Variants in AGR3 observed in about 807,000 individuals in gnomAD.
The protein encoded by AGR3 is anterior gradient 3, protein disulphide isomerase family member.
Under a neutral mutation model 24.5 loss-of-function variants are expected in AGR3, and 37 were observed. The observed-to-expected ratio is 1.51, with a 90% CI of 1.16 to 1.99. AGR3 has a LOEUF of 1.99. AGR3 is among the 30% of genes most tolerant of loss of function. The pLI is 0.00. For synonymous variants in AGR3, 75 were observed against 61.6 expected (o/e 1.22, Z -1.02); for missense variants, 228 against 191.1 (o/e 1.19, Z -1.14).
intron 3 of AGR3, chr7:16,865,488 T>C (rs369644180): frequency 3.8e-5 from 28 of 730,720 alleles, no homozygotes; most frequent in African/African-American, 1.8e-4. Context: ...CCGAATTTCT[T>C]TGGGGAACAA....
At chr7:16,854,901 G>A (rs58672255), downstream of AGR3, among the ~76,000 whole-genome samples, 33,017 of 152,038 alleles carry the variant, frequency 0.22, 3,648 homozygotes, top group South Asian at 0.35. Flanking sequence ...GCATGTCTCT[G>A]TATCCAAATT....
At chr7:16,868,590 T>C (rs1781805791) in intron 3 of AGR3, among the ~76,000 whole-genome samples, 1 of 152,220 alleles carries the variant, frequency 6.6e-6, no homozygotes, top group South Asian at 2.1e-4. Context: ...TATTGTCTTC[T>C]ATTCTGTTGG....
In AGR3 at chr7:16,878,411, T is replaced by C. The variant is rs1052592219; in HGVS notation, c.109+99A>G. 4 of 1,008,630 alleles carry C rather than the reference T, an allele frequency of 4.0e-6. No individual in the cohort carries two copies. The Admixed American group carries it at 7.5e-5, about 19-fold the overall frequency. The allele number at this position is 1,008,630 out of a possible 1,614,324, so 62.5% of individuals were successfully genotyped here. On this transcript the variant is annotated intron_variant, in intron 2 of 7. Transcript: ENST00000310398. Reference sequence around the variant, plus strand: ...CACACAACAAAAATCATTCAGTTAGTTGAATTTGCTTTATAATTAGACTAT... The same window carrying C: ...CACACAACAAAAATCATTCAGTTAGCTGAATTTGCTTTATAATTAGACTAT...
chr7:16,864,276 A>C, intron 3 of AGR3: 3 of 1,343,992 alleles, frequency 2.2e-6, no homozygotes, highest in Admixed American at 3.6e-5. Context: ...ATGTCCCATC[A>C]CTCTCATAGT....
intron 4 of AGR3, 143 bp from the exon 5 acceptor site, chr7:16,862,203 CT>C: frequency 1.6e-6 from 1 of 638,400 alleles, no homozygotes; most frequent in South Asian, 2.1e-5. Flanking sequence ...CCTATTGCCA[CT>C]TTGTCCCTCA....
At chr7:16,873,496 C>A in intron 3 of AGR3, 1 of 266,236 alleles carries the variant, frequency 3.8e-6, no homozygotes, top group East Asian at 7.4e-5. Context: ...AAAAATATAG[C>A]TAGATAGGAG....
In AGR3 at chr7:16,860,537, G is replaced by A; in HGVS notation, c.414C>T (p.Asn138=). Residue 138 remains asparagine (N), a synonymous_variant, in exon 7 of 8, where the codon AAC becomes AAT. Coordinates refer to ENST00000310398, the MANE Select transcript of AGR3 (RefSeq NM_176813.5). ...VRADIAGRYS[N]RLYTYEPRDL... ...CCCGAGGCTCATATGTGTACAATCT[G>A]TTAGAGTATCTTCCAGCTATGTCAG... The A allele has an allele frequency of 1.2e-6, 2 of 1,613,834 alleles. No individual in the cohort carries two copies. The highest frequency in any genetic ancestry group is 1.7e-6 in the Non-Finnish European group (2 of 1,179,800).
chr7:16,877,138 C>T (rs1015950859), intron 2 of AGR3, among the ~76,000 whole-genome samples: 13 of 151,390 alleles, frequency 8.6e-5, no homozygotes, highest in African/African-American at 3.1e-4. Flanking sequence ...ACTTGGCTGG[C>T]ACTCAATACA....
intron 5 of AGR3, 51 bp downstream of exon 5, chr7:16,861,933 A>C: frequency 1.3e-6 from 2 of 1,492,216 alleles, no homozygotes; most frequent in Non-Finnish European, 1.8e-6. Flanking sequence ...AAACGGATTC[A>C]AAATTTCCAT....
intron 3 of AGR3, among the ~76,000 whole-genome samples, chr7:16,863,027 G>T (rs564763299): frequency 6.6e-6 from 1 of 152,256 alleles, no homozygotes; most frequent in Admixed American, 6.5e-5. Context: ...CCGAGATGGC[G>T]CCACTGCACT....
chr7:16,878,022 C>T (rs1782023221), intron 2 of AGR3, among the ~76,000 whole-genome samples: 2 of 152,082 alleles, frequency 1.3e-5, no homozygotes, highest in African/African-American at 4.8e-5. Context: ...CCACTGTCTT[C>T]CAGAGTCAAT....
rs1214464247 is a variant in AGR3 at position 16,861,440 on chromosome 7, G to A, written c.311C>T (p.Thr104Ile). Residue 104 changes from threonine (T) to isoleucine (I), a missense_variant, in exon 6 of 8, where the codon ACC (threonine) becomes ATC (isoleucine). Transcript: ENST00000310398. Reference sequence around the variant, plus strand: ...ATCAGGTGATAAATTCTTATCAGTGGTTTCATGCTAGCAGGAGAAGAAAAA... The same window carrying A: ...ATCAGGTGATAAATTCTTATCAGTGATTTCATGCTAGCAGGAGAAGAAAAA... ...KFIMLNLMHE[T>I]TDKNLSPDGQ... 6.2e-7 allele frequency: 1 copy of A among 1,609,904 alleles called. No individual in the cohort carries two copies. The highest frequency in any genetic ancestry group is 8.5e-7 in the Non-Finnish European group (1 of 1,177,804).
rs577929935 is a variant in AGR3, at chr7:16,864,666, A to G, written c.174-2004T>C. 4.2e-5 allele frequency: 66 copies of G among 1,585,004 alleles called. No individual in the cohort carries two copies. In the Admixed American group the frequency reaches 7.5e-4, roughly 18 times the overall value. On this transcript the variant is annotated intron_variant, in intron 3 of 7. Coordinates refer to ENST00000310398, the MANE Select transcript of AGR3 (RefSeq NM_176813.5). ...GGCATAAAGCTGGTAGGCAGAAGTCAGGAAAAAGTGCTTTTGCTGCCAGGC... is the reference window on the plus strand; with the variant it reads ...GGCATAAAGCTGGTAGGCAGAAGTCGGGAAAAAGTGCTTTTGCTGCCAGGC...
chr7:16,877,585 C>T (rs1419508503), intron 2 of AGR3, among the ~76,000 whole-genome samples: 4 of 151,616 alleles, frequency 2.6e-5, no homozygotes, highest in Non-Finnish European at 4.4e-5. Context: ...TTTTCTTGGC[C>T]GGGCGCGGTG....
intron 7 of AGR3, 74 bp downstream of exon 7, chr7:16,860,426 G>A: frequency 9.0e-7 from 1 of 1,108,490 alleles, no homozygotes; most frequent in Non-Finnish European, 1.4e-6. Context: ...CACTGATGTA[G>A]GGCTTCACTA....
chr7:16,866,156 A>AT (rs1196251845), intron 3 of AGR3: 12 of 535,030 alleles, frequency 2.2e-5, no homozygotes, highest in Middle Eastern at 3.2e-4. Flanking sequence ...TAGAAGGCTC[A>AT]TTTTTTTCTC....
intron 2 of AGR3, 124 bp downstream of exon 2, chr7:16,878,386 C>T: frequency 1.3e-6 from 1 of 799,582 alleles, no homozygotes; most frequent in Non-Finnish European, 1.9e-6. Context: ...TTTGAAGTCA[C>T]ACACAACAAA....
rs572581423 is a variant in AGR3, at chr7:16,877,756, G to A, written c.109+754C>T. ...CGGGCGCCTGTAGTCCCAGCTACTT[G>A]GGAGGCTGAGGCAGGAGAATGGCGT... On this transcript the variant is annotated intron_variant, in intron 2 of 7. Coordinates refer to ENST00000310398, the MANE Select transcript of AGR3 (RefSeq NM_176813.5). 9.2e-5 allele frequency among the ~76,000 whole-genome samples: 14 copies of A among 151,940 alleles called. No individual in the cohort carries two copies. In the South Asian group the frequency reaches 2.9e-3, roughly 32 times the overall value.
At chr7:16,865,472 C>T (rs1355323546) in intron 3 of AGR3, 2 of 751,688 alleles carry the variant, frequency 2.7e-6, no homozygotes, top group Non-Finnish European at 4.8e-6. Context: ...AGGTAGAATG[C>T]TCTTCCCGAA....
Sources: allele counts gnomAD v4.1 joint callset (sites outside exome capture counted in the v4.1 genomes callset), GRCh38; gene constraint gnomAD v4.1.1; transcripts MANE v1.5; gene names NCBI Gene and HGNC (gene_info 2026-07-23, HGNC 2026-07-21).